PHF24: variants seen among roughly 807,000 people sequenced by gnomAD.
The protein encoded by PHF24 is PHD finger protein 24.
A neutral mutation model predicts 42.6 loss-of-function variants in PHF24; 25 were observed. The observed-to-expected ratio is 0.59, with a 90% CI of 0.43 to 0.82. PHF24 has a LOEUF of 0.82. Among genes scored for constraint, PHF24 ranks in the 40% least tolerant of loss-of-function variants. The pLI is 0.00. For missense variants in PHF24, 470 were observed against 538.1 expected, an observed-to-expected ratio of 0.87 and a Z score of 1.25; for synonymous variants, 185 against 204.8, an observed-to-expected ratio of 0.90 and a Z score of 0.83.
At chr9:34,971,406 C>T (rs755475971) in exon 2 of PHF24, 1 of 1,614,142 alleles carries the variant, frequency 6.2e-7, no homozygotes, top group Non-Finnish European at 8.5e-7. Flanking sequence ...CCATCCGACG[C>T]ACAGGTGAGC....
chr9:34,885,304 T>C, the PHF24 span, among the ~76,000 whole-genome samples: 1 of 152,186 alleles, frequency 6.6e-6, no homozygotes, highest in South Asian at 2.1e-4. Flanking sequence ...TATCTGGGCT[T>C]TCTGCATCTT....
chr9:34,715,301 G>T, the PHF24 span, among the ~76,000 whole-genome samples: 2 of 152,088 alleles, frequency 1.3e-5, no homozygotes, highest in African/African-American at 2.4e-5. Context: ...AGAGTGAGGA[G>T]CTCGGATGAT....
chr9:34,940,851 T>C, the PHF24 span, among the ~76,000 whole-genome samples: 2 of 152,210 alleles, frequency 1.3e-5, no homozygotes, highest in South Asian at 2.1e-4. Flanking sequence ...CTTTCCTCCT[T>C]CTGCTGATCA....
At chr9:34,943,115 T>G in the PHF24 span, among the ~76,000 whole-genome samples, 137 of 152,346 alleles carry the variant, frequency 9.0e-4, no homozygotes, top group Admixed American at 1.7e-3. Context: ...TAGCTGTGAT[T>G]GAGGCTACTG....
At chr9:34,905,151 A>C in the PHF24 span, among the ~76,000 whole-genome samples, 1 of 152,202 alleles carries the variant, frequency 6.6e-6, no homozygotes, top group Admixed American at 6.5e-5. Context: ...CCTTGACAAA[A>C]TGGAGCCTGC....
At chr9:34,771,119 A>G in the PHF24 span, among the ~76,000 whole-genome samples, 4 of 152,200 alleles carry the variant, frequency 2.6e-5, no homozygotes, top group Non-Finnish European at 4.4e-5. Context: ...GTCTCGAAGT[A>G]AATAAATAAA....
the PHF24 span, among the ~76,000 whole-genome samples, chr9:34,716,795 AG>A: frequency 6.6e-6 from 1 of 152,052 alleles, no homozygotes; most frequent in Non-Finnish European, 1.5e-5. Context: ...TTTTGTAGAA[AG>A]GGGGTTTCAC....
chr9:34,725,787 G>A, the PHF24 span: 23 of 1,548,470 alleles, frequency 1.5e-5, no homozygotes, highest in Middle Eastern at 1.7e-4. Context: ...GCTGACTGGG[G>A]TGAAGTTTTA....
the PHF24 span, among the ~76,000 whole-genome samples, chr9:34,829,590 T>G: frequency 4.6e-5 from 7 of 152,220 alleles, no homozygotes; most frequent in Non-Finnish European, 8.8e-5. Flanking sequence ...TGGCACAACC[T>G]CACACCTTAT....
At chr9:34,750,599 T>G in the PHF24 span, among the ~76,000 whole-genome samples, 1 of 152,218 alleles carries the variant, frequency 6.6e-6, no homozygotes, top group East Asian at 1.9e-4. Flanking sequence ...TGCATGTTTA[T>G]TAGTTTATTT....
At chr9:34,724,219 C>G in the PHF24 span, 5 of 1,551,330 alleles carry the variant, frequency 3.2e-6, no homozygotes, top group South Asian at 3.6e-5. Context: ...GAACACAAGG[C>G]ATGTGGGCCT....
chr9:34,690,089 A>G, the PHF24 span: 1 of 1,590,900 alleles, frequency 6.3e-7, no homozygotes, highest in Non-Finnish European at 8.6e-7. Flanking sequence ...ATGTCTGGGA[A>G]CCTGTTTCAG....
upstream of PHF24, among the ~76,000 whole-genome samples, chr9:34,956,790 A>G (rs1217064602): frequency 1.3e-5 from 2 of 152,230 alleles, no homozygotes. Context: ...TAGTTTCACA[A>G]CAAGCAAAAT....
chr9:34,842,488 G>A, the PHF24 span, among the ~76,000 whole-genome samples: 1 of 152,144 alleles, frequency 6.6e-6, no homozygotes, highest in Non-Finnish European at 1.5e-5. Flanking sequence ...GGTGATTAGG[G>A]CATAAAACCT....
At chr9:34,785,941 A>G in the PHF24 span, among the ~76,000 whole-genome samples, 3 of 152,206 alleles carry the variant, frequency 2.0e-5, no homozygotes, top group African/African-American at 7.2e-5. Flanking sequence ...AAAAATACAG[A>G]TCTGCATAGC....
chr9:34,849,502 C>T, the PHF24 span, among the ~76,000 whole-genome samples: 4 of 151,804 alleles, frequency 2.6e-5, no homozygotes, highest in Admixed American at 1.3e-4. Flanking sequence ...TGTCTCTGCA[C>T]GTGAGATGGG....
At chr9:34,929,705 T>C in the PHF24 span, among the ~76,000 whole-genome samples, 1 of 152,178 alleles carries the variant, frequency 6.6e-6, no homozygotes. Context: ...AGCCCCGCCA[T>C]GTAACAGCTA....
the PHF24 span, among the ~76,000 whole-genome samples, chr9:34,672,274 GA>G: frequency 6.6e-6 from 1 of 151,958 alleles, no homozygotes. Context: ...CTGAAGAACT[GA>G]GTATGTATCA....
At chr9:34,980,747 G>A (rs1269506168) in exon 8 of PHF24, 11 of 152,186 alleles carry the variant, frequency 7.2e-5, no homozygotes, top group South Asian at 6.2e-4. Flanking sequence ...AAATATTAGC[G>A]TTTGGCTCTA....
Sources: gnomAD v4.1 joint callset for allele counts (sites outside exome capture counted in the v4.1 genomes callset) on GRCh38, gnomAD v4.1.1 for gene constraint, MANE v1.5 for transcripts, NCBI Gene and HGNC (gene_info 2026-07-23, HGNC 2026-07-21) for gene names.